CNTLN: variants seen among roughly 807,000 people sequenced by gnomAD.
CNTLN encodes centlein, also known as centlein, centrosomal protein.
CNTLN carries 212 observed loss-of-function variants against 180.0 expected under a neutral mutation model. The observed-to-expected ratio is 1.18, with a 90% confidence interval of 1.05 to 1.32. CNTLN has a LOEUF of 1.32. Among genes scored for constraint, CNTLN ranks in the 40% most tolerant of loss-of-function variants. The pLI is 0.00. For synonymous variants in CNTLN, 722 were observed against 563.1 expected, an observed-to-expected ratio of 1.28 and a Z score of -3.99; for missense variants, 2,095 against 1,610.9, an observed-to-expected ratio of 1.30 and a Z score of -5.14.
intron 12 of CNTLN, among the ~76,000 whole-genome samples, chr9:17,361,361 T>C (rs190626471): frequency 1.2e-3 from 185 of 152,296 alleles, no homozygotes; most frequent in Non-Finnish European, 2.3e-3. Flanking sequence ...GAATGACCCA[T>C]CTGTGTTCTC....
At position 17,502,671 on chromosome 9, in the gene CNTLN, T is replaced by C; in HGVS notation, c.*19T>C. 2 of 1,039,476 alleles carry C rather than the reference T, an allele frequency of 1.9e-6. No individual in the cohort carries two copies. The highest frequency in any genetic ancestry group is 1.4e-6 in the Non-Finnish European group (1 of 725,484). 64.4% of individuals were successfully genotyped at this position (1,039,476 alleles called of 1,614,324 possible). On this transcript the variant is annotated 3_prime_UTR_variant, in exon 26 of 26. Transcript: ENST00000380647. ...TAGATGATATTAAAATGGAGAGCTTTATTGCAAATGTGAAAACTTTTTATG... is the reference window on the plus strand; with the variant it reads ...TAGATGATATTAAAATGGAGAGCTTCATTGCAAATGTGAAAACTTTTTATG...
At chr9:17,338,460 A>G (rs1283346502) in intron 10 of CNTLN, among the ~76,000 whole-genome samples, 1 of 148,882 alleles carries the variant, frequency 6.7e-6, no homozygotes, top group Non-Finnish European at 1.5e-5. Flanking sequence ...GGCATGAACC[A>G]CTGTGTCCAG....
chr9:17,270,204 A>AT (rs1419392216), intron 5 of CNTLN, among the ~76,000 whole-genome samples: 6 of 151,976 alleles, frequency 3.9e-5, no homozygotes, highest in Admixed American at 2.6e-4. Flanking sequence ...TTTGTTCTTG[A>AT]TTTTTTAATG....
chr9:17,264,175 A>G (rs1317561425), intron 5 of CNTLN, among the ~76,000 whole-genome samples: 1 of 143,700 alleles, frequency 7.0e-6, no homozygotes, highest in Non-Finnish European at 1.5e-5. Flanking sequence ...TTATGGTTTT[A>G]GGTCTAACAT....
intron 5 of CNTLN, among the ~76,000 whole-genome samples, chr9:17,248,593 T>C (rs1825944143): frequency 6.7e-6 from 1 of 148,442 alleles, no homozygotes; most frequent in Admixed American, 6.7e-5. Flanking sequence ...ATAAATGGAA[T>C]CAAAATGTGT....
chr9:17,421,515 T>G (rs1036347646), intron 18 of CNTLN, among the ~76,000 whole-genome samples: 1 of 152,140 alleles, frequency 6.6e-6, no homozygotes, highest in Non-Finnish European at 1.5e-5. Flanking sequence ...TGTTTTTTAA[T>G]CCATTCAGCT....
intron 5 of CNTLN, among the ~76,000 whole-genome samples, chr9:17,258,542 G>A (rs190642472): frequency 0.24 from 36,282 of 150,358 alleles, 4,832 homozygotes; most frequent in South Asian, 0.36. Flanking sequence ...TATGGGGATG[G>A]CATTGAATCT....
intron 8 of CNTLN, among the ~76,000 whole-genome samples, chr9:17,326,707 C>T (rs923324671): frequency 1.3e-5 from 2 of 151,994 alleles, no homozygotes; most frequent in East Asian, 1.9e-4. Context: ...ATAGCATATA[C>T]CCTTGATATG....
intron 5 of CNTLN, among the ~76,000 whole-genome samples, chr9:17,271,111 C>T (rs538373146): frequency 7.2e-5 from 11 of 151,980 alleles, no homozygotes; most frequent in East Asian, 1.9e-4. Flanking sequence ...CCACCACGCC[C>T]GGCTAATTTT....
At chr9:17,519,770 T>C in the CNTLN span, among the ~76,000 whole-genome samples, 1 of 152,234 alleles carries the variant, frequency 6.6e-6, no homozygotes, top group African/African-American at 2.4e-5. Context: ...AATTTTAACA[T>C]GCAGAGAGGA....
chr9:17,257,201 C>T (rs1024971887), intron 5 of CNTLN, among the ~76,000 whole-genome samples: 1 of 151,816 alleles, frequency 6.6e-6, no homozygotes, highest in Admixed American at 6.6e-5. Flanking sequence ...TGTTCAATTC[C>T]CACCTATGAG....
At chr9:17,333,957 A>T (rs1009354587) in intron 10 of CNTLN, among the ~76,000 whole-genome samples, 1 of 152,162 alleles carries the variant, frequency 6.6e-6, no homozygotes, top group Non-Finnish European at 1.5e-5. Context: ...TTAAGAAGGT[A>T]AGTAAGTAGT....
At chr9:17,215,191 C>G (rs892275616) in intron 2 of CNTLN, among the ~76,000 whole-genome samples, 2 of 152,142 alleles carry the variant, frequency 1.3e-5, no homozygotes, top group African/African-American at 4.8e-5. Flanking sequence ...GTTTTATCTA[C>G]CTTTGGTCTT....
In CNTLN at chr9:17,290,404, C is replaced by G. The variant is rs1350782346; in HGVS notation, c.984-7786C>G. Among the ~76,000 whole-genome samples, 5 of 149,378 alleles carry G rather than the reference C, an allele frequency of 3.3e-5. No homozygotes were observed. In the East Asian group the frequency reaches 7.8e-4, roughly 23 times the overall value. On this transcript the variant is annotated intron_variant, in intron 6 of 25. Coordinates refer to ENST00000380647, the MANE Select transcript of CNTLN (RefSeq NM_017738.4). ...GCTGCGTGCTGGGAGAACCACTGCT[C>G]TCTTCAAAGCTGTCAGACAGGGACA...
chr9:17,379,819 C>CA (rs1825079204), intron 13 of CNTLN, among the ~76,000 whole-genome samples: 1 of 152,062 alleles, frequency 6.6e-6, no homozygotes, highest in Non-Finnish European at 1.5e-5. Context: ...GCATGTCATC[C>CA]AAAAAAACTC....
intron 2 of CNTLN, among the ~76,000 whole-genome samples, chr9:17,151,948 A>C (rs1020685014): frequency 1.7e-4 from 26 of 152,242 alleles, no homozygotes; most frequent in African/African-American, 5.8e-4. Flanking sequence ...TTATTTGCGT[A>C]GAGGTGTTTA....
At chr9:17,473,677 A>T (rs984131446) in intron 23 of CNTLN, among the ~76,000 whole-genome samples, 2 of 151,230 alleles carry the variant, frequency 1.3e-5, no homozygotes, top group African/African-American at 4.9e-5. Context: ...CTCCTCTTTT[A>T]TGTAGCAAAA....
chr9:17,145,486 T>C (rs1818392908), intron 2 of CNTLN, among the ~76,000 whole-genome samples: 1 of 152,206 alleles, frequency 6.6e-6, no homozygotes, highest in Non-Finnish European at 1.5e-5. Flanking sequence ...GTATAGTCCA[T>C]TAGTTATCCA....
intron 5 of CNTLN, among the ~76,000 whole-genome samples, chr9:17,255,394 T>G (rs56176893): frequency 6.6e-6 from 1 of 151,950 alleles, no homozygotes; most frequent in Non-Finnish European, 1.5e-5. Flanking sequence ...CTTTTAATCA[T>G]GAAAGGGTGT....
Sources: allele counts gnomAD v4.1 joint callset (sites outside exome capture counted in the v4.1 genomes callset), GRCh38; gene constraint gnomAD v4.1.1; transcripts MANE v1.5; gene names NCBI Gene and HGNC (gene_info 2026-07-23, HGNC 2026-07-21).